Variants in HEBP1 observed in about 807,000 individuals in gnomAD.
The protein encoded by HEBP1 is heme-binding protein 1.
HEBP1 carries 13 observed loss-of-function variants against 20.4 expected under a neutral mutation model. The observed-to-expected ratio is 0.64, with a 90% CI of 0.42 to 1.01. HEBP1 has a LOEUF of 1.01. Ranked by LOEUF, HEBP1 falls within the 50% of genes least tolerant of loss-of-function variation. The pLI, the probability that HEBP1 is intolerant of heterozygous loss-of-function variation, is 0.00. For missense variants in HEBP1, 241 were observed against 247.3 expected (o/e 0.97, Z 0.17); for synonymous variants, 92 against 90.7 (o/e 1.01, Z -0.08).
At chr12:12,977,732 C>T (rs1864010741) in intron 3 of HEBP1, among the ~76,000 whole-genome samples, 1 of 152,324 alleles carries the variant, frequency 6.6e-6, no homozygotes, top group Non-Finnish European at 1.5e-5. Flanking sequence ...TCCCAATCTT[C>T]TTCCTATGTT....
intron 1 of HEBP1, among the ~76,000 whole-genome samples, chr12:12,995,790 C>T (rs1864281639): frequency 6.6e-6 from 1 of 152,176 alleles, no homozygotes; most frequent in Non-Finnish European, 1.5e-5. Context: ...TTGCTTGTGA[C>T]ATGGAACACA....
At chr12:12,977,308 C>T (rs908552083) in intron 3 of HEBP1, 8 of 152,356 alleles carry the variant, frequency 5.3e-5, no homozygotes, top group Admixed American at 2.0e-4. Context: ...GAGCCTGTCA[C>T]GTAGTAAGCT....
At chr12:12,983,595 C>A in intron 3 of HEBP1, 1 of 435,288 alleles carries the variant, frequency 2.3e-6, no homozygotes. Context: ...ATAACACAAA[C>A]CACTGCAGGG....
At chr12:12,982,675 A>G (rs755766677) in intron 3 of HEBP1, among the ~76,000 whole-genome samples, 11 of 152,338 alleles carry the variant, frequency 7.2e-5, no homozygotes, top group Non-Finnish European at 1.6e-4. Context: ...ATGCCTTAGA[A>G]ATCTTATTTT....
At chr12:12,987,001 T>C in intron 3 of HEBP1, 151 bp downstream of exon 3, 1 of 704,168 alleles carries the variant, frequency 1.4e-6, no homozygotes, top group Non-Finnish European at 2.4e-6. Context: ...CCTGAAGAAA[T>C]TAAAATGAGA....
At chr12:12,982,535 G>A (rs1286604546) in intron 3 of HEBP1, among the ~76,000 whole-genome samples, 2 of 152,092 alleles carry the variant, frequency 1.3e-5, no homozygotes, top group Non-Finnish European at 2.9e-5. Context: ...TTCTCTAGGC[G>A]GAACTTCCCA....
At chr12:12,989,816 AC>A (rs1156499023) in intron 1 of HEBP1, among the ~76,000 whole-genome samples, 17 of 152,172 alleles carry the variant, frequency 1.1e-4, no homozygotes, top group Non-Finnish European at 2.4e-4. Flanking sequence ...AAGGGAGGAA[AC>A]AAAAAATACA....
rs747543806 is a variant in HEBP1 at position 12,987,279 on chromosome 12, C to T, written c.271G>A (p.Asp91Asn). 2 of 1,614,102 alleles carry T rather than the reference C, an allele frequency of 1.2e-6. No individual in the cohort carries two copies. The highest frequency in any genetic ancestry group is 1.7e-6 in the Non-Finnish European group (2 of 1,180,004). ...TTTAATTTCTTCTGCAGAGAGCCAT[C>T]TTCATTGGGGAACACAGCAAAGGAA... ...PISFAVFPNE[D>N]GSLQKKLKVW... The change falls in exon 3 of 4, where the codon GAT becomes AAT. Residue 91 changes from aspartate to asparagine, a missense_variant. Transcript: ENST00000014930.
At chr12:12,983,392 A>G (rs1328039365) in intron 3 of HEBP1, 1 of 248,358 alleles carries the variant, frequency 4.0e-6, no homozygotes, top group African/African-American at 2.3e-5. Context: ...TAATAAATGT[A>G]TAATCCCTTT....
chr12:12,992,502 C>A (rs1420369131), intron 1 of HEBP1, among the ~76,000 whole-genome samples: 2 of 152,000 alleles, frequency 1.3e-5, no homozygotes, highest in Admixed American at 6.6e-5. Flanking sequence ...CTGTGCCCGG[C>A]CTTAATATTG....
Position 13,000,141 on chromosome 12 carries a change from C to A in HEBP1, c.-27G>T. ...TTGTAGCCGAGACGCTCCCGACGCA[C>A]GGGAGGACGTGAGGTGGCGGGGGCG... is the stretch of plus-strand genomic sequence containing the variant. On this transcript the variant is annotated 5_prime_UTR_variant, in exon 1 of 4. Transcript: ENST00000014930. The A allele has an allele frequency of 6.4e-7, 1 of 1,572,900 alleles. No individual in the cohort carries two copies. The highest frequency in any genetic ancestry group is 8.7e-7 in the Non-Finnish European group (1 of 1,154,182).
Position 12,975,283 on chromosome 12 carries a change from G to A in HEBP1, c.*25C>T, listed in dbSNP as rs749881803. 1 of 1,610,304 alleles carries A rather than the reference G, an allele frequency of 6.2e-7. No individual in the cohort carries two copies. The highest frequency in any genetic ancestry group is 8.5e-7 in the Non-Finnish European group (1 of 1,178,094). On this transcript the variant is annotated 3_prime_UTR_variant, in exon 4 of 4. Transcript: ENST00000014930. ...AAGGAGACACAGAGGCACACTTCCA[G>A]TAAGTTCTTGGTTCAGTGGGTCACT...
At chr12:12,982,361 G>T (rs1215680408) in intron 3 of HEBP1, among the ~76,000 whole-genome samples, 1 of 152,236 alleles carries the variant, frequency 6.6e-6, no homozygotes, top group Non-Finnish European at 1.5e-5. Flanking sequence ...AGGGGGCAAA[G>T]CAGGGTGCTA....
At position 12,996,777 on chromosome 12, in the gene HEBP1, T is replaced by C. The variant is rs191235920; in HGVS notation, c.78+3260A>G. Among the ~76,000 whole-genome samples, 3,083 of 152,314 alleles carry C rather than the reference T, an allele frequency of 0.02. 45 individuals are homozygous for C. Among genetic ancestry groups the C allele is most frequent in the South Asian group, 0.037 (178 of 4,820 alleles). On this transcript the variant is annotated intron_variant, in intron 1 of 3. Coordinates refer to ENST00000014930, the MANE Select transcript of HEBP1 (RefSeq NM_015987.5). The surrounding 1 kb of genome is among the most constrained non-coding windows in gnomAD (Gnocchi z 4.1). ...GTTAAGTAATTTACCCAAACTTTAC[T>C]GTAAAACTACAGTAAAGCTAACCAT...
rs562143524 is a variant in HEBP1 at position 12,998,316 on chromosome 12, G to A, written c.78+1721C>T. On this transcript the variant is annotated intron_variant, in intron 1 of 3. Transcript: ENST00000014930. This position sits in a 1 kb window ranked among gnomAD's most constrained non-coding sequence, Gnocchi z 4.2. ...TAGCACTCAAAAAACAGTTTTTGTC[G>A]AATTATTTTTAAATTGGGTGATTTC... Among the ~76,000 whole-genome samples the A allele has an allele frequency of 1.1e-4, 16 of 152,112 alleles. No homozygotes were observed. Among genetic ancestry groups the A allele is most frequent in the Non-Finnish European group, 1.6e-4 (11 of 68,024 alleles).
At chr12:12,976,077 CAAAAAA>C (rs56110606) in intron 3 of HEBP1, among the ~76,000 whole-genome samples, 1 of 85,902 alleles carries the variant, frequency 1.2e-5, no homozygotes, top group African/African-American at 5.4e-5. Context: ...GACCCTGTGT[CAAAAAA>C]AAAAAAAAAA....
At chr12:12,999,266 GTTTAAC>G (rs992540434) in intron 1 of HEBP1, among the ~76,000 whole-genome samples, 7 of 152,172 alleles carry the variant, frequency 4.6e-5, no homozygotes, top group Non-Finnish European at 8.8e-5. Context: ...CTATGATATA[GTTTAAC>G]TTTATCAATT....
intron 3 of HEBP1, among the ~76,000 whole-genome samples, chr12:12,976,403 T>C (rs1437304330): frequency 6.6e-6 from 1 of 152,224 alleles, no homozygotes; most frequent in African/African-American, 2.4e-5. Flanking sequence ...AAAATTTGTC[T>C]TGTAGCCTAG....
At chr12:12,993,012 C>G (rs1037700095) in intron 1 of HEBP1, among the ~76,000 whole-genome samples, 1 of 152,158 alleles carries the variant, frequency 6.6e-6, no homozygotes, top group Non-Finnish European at 1.5e-5. Context: ...GTCTAATACT[C>G]GTTGCAAGGT....
Sources: gnomAD v4.1 joint callset for allele counts (sites outside exome capture counted in the v4.1 genomes callset) on GRCh38, gnomAD v4.1.1 for gene constraint, Gnocchi (gnomAD v3.1) non-coding constraint, MANE v1.5 for transcripts, NCBI Gene and HGNC (gene_info 2026-07-23, HGNC 2026-07-21) for gene names.